The following SLC24A3 variants were observed in gnomAD, a reference collection of about 807,000 sequenced individuals.
SLC24A3 encodes the protein sodium/potassium/calcium exchanger 3.
In SLC24A3, 28 loss-of-function variants were observed where a neutral mutation model predicts 75.8. The ratio of observed to expected loss-of-function variants is 0.37; its 90% CI spans 0.27 to 0.51. SLC24A3 has a LOEUF of 0.51. Ranked by LOEUF, SLC24A3 falls within the 20% of genes least tolerant of loss-of-function variation. SLC24A3 has a pLI of 0.94. For synonymous variants in SLC24A3, 372 were observed against 334.1 expected, an observed-to-expected ratio of 1.11 and a Z score of -1.24; for missense variants, 663 against 847.8, an observed-to-expected ratio of 0.78 and a Z score of 2.71.
intron 3 of SLC24A3, among the ~76,000 whole-genome samples, chr20:19,526,942 T>A (rs1215203359): frequency 1.3e-5 from 2 of 152,218 alleles, no homozygotes; most frequent in Admixed American, 1.3e-4. Flanking sequence ...TATTTTTATT[T>A]CAGTATCCCC....
intron 2 of SLC24A3, among the ~76,000 whole-genome samples, chr20:19,334,364 T>C (rs1985075730): frequency 6.9e-6 from 1 of 145,800 alleles, no homozygotes; most frequent in South Asian, 2.1e-4. Flanking sequence ...CTGAGAAATA[T>C]CAACACAGTA....
intron 2 of SLC24A3, among the ~76,000 whole-genome samples, chr20:19,379,245 G>A (rs1986141081): frequency 6.6e-6 from 1 of 152,118 alleles, no homozygotes; most frequent in Non-Finnish European, 1.5e-5. Context: ...CCCTAAGTCT[G>A]GCACTGTACT....
At chr20:19,287,651 T>G (rs61065806) in intron 2 of SLC24A3, among the ~76,000 whole-genome samples, 4,212 of 152,358 alleles carry the variant, frequency 0.028, 70 homozygotes, top group African/African-American at 0.033. Flanking sequence ...GAAACAATTT[T>G]ATTCTCTTTT....
intron 2 of SLC24A3, among the ~76,000 whole-genome samples, chr20:19,502,980 T>C (rs1988409024): frequency 6.7e-6 from 1 of 148,590 alleles, no homozygotes; most frequent in African/African-American, 2.5e-5. Flanking sequence ...TGAGCCATGA[T>C]AGTGTTACTG....
intron 2 of SLC24A3, among the ~76,000 whole-genome samples, chr20:19,445,546 A>T (rs1987367209): frequency 2.6e-5 from 4 of 152,226 alleles, no homozygotes; most frequent in Admixed American, 2.6e-4. Flanking sequence ...GAAAAAGTAC[A>T]TTATCAAGAA....
chr20:19,648,650 A>G (rs76378579), intron 6 of SLC24A3, among the ~76,000 whole-genome samples: 7,556 of 152,222 alleles, frequency 0.05, 261 homozygotes, highest in Non-Finnish European at 0.07. Flanking sequence ...TTCACAATGC[A>G]TATCTGTACA....
At chr20:19,239,093 C>A (rs1182302289) in intron 1 of SLC24A3, among the ~76,000 whole-genome samples, 6 of 144,552 alleles carry the variant, frequency 4.2e-5, no homozygotes, top group African/African-American at 1.3e-4. Flanking sequence ...GATGCAATCA[C>A]TGGAGCTCTT....
At chr20:19,463,603 T>C (rs770082493) in intron 2 of SLC24A3, among the ~76,000 whole-genome samples, 15 of 152,096 alleles carry the variant, frequency 9.9e-5, no homozygotes, top group Non-Finnish European at 2.1e-4. Flanking sequence ...TCAGTTACAG[T>C]GGGAACTGTG....
At chr20:19,504,938 A>C (rs1391124231) in intron 2 of SLC24A3, among the ~76,000 whole-genome samples, 1 of 152,218 alleles carries the variant, frequency 6.6e-6, no homozygotes, top group Non-Finnish European at 1.5e-5. Flanking sequence ...TACATTATTC[A>C]TGAGATTGCT....
rs568692335 is a variant in SLC24A3, at chr20:19,660,714, A to G, written c.688-5150A>G. Among the ~76,000 whole-genome samples the G allele has an allele frequency of 2.0e-5, 3 of 152,234 alleles. No individual in the cohort carries two copies. The East Asian group carries it at 5.8e-4, about 29-fold the overall frequency. ...TTTCAGTTCTTTAAGACATTCTCAT[A>G]CTGGAAAACTTGAGGTCCTTCAGCT... On this transcript the variant is annotated intron_variant, in intron 7 of 16. Transcript: ENST00000328041.
intron 2 of SLC24A3, among the ~76,000 whole-genome samples, chr20:19,513,687 A>G (rs2029925252): frequency 1.3e-5 from 2 of 151,112 alleles, no homozygotes; most frequent in Non-Finnish European, 2.9e-5. Flanking sequence ...ACCATACAAA[A>G]CTAGAGATTG....
At chr20:19,552,320 T>C (rs1334919339) in intron 3 of SLC24A3, among the ~76,000 whole-genome samples, 1 of 152,162 alleles carries the variant, frequency 6.6e-6, no homozygotes, top group East Asian at 1.9e-4. Flanking sequence ...CCCTCCTGTC[T>C]GCGCAAGCAA....
intron 1 of SLC24A3, among the ~76,000 whole-genome samples, chr20:19,265,199 TG>T (rs1458678473): frequency 1.3e-5 from 2 of 152,226 alleles, no homozygotes; most frequent in East Asian, 1.9e-4. Context: ...CCAGGTATTT[TG>T]GGGGGCTAGG....
At chr20:19,532,923 C>T (rs766835100) in intron 3 of SLC24A3, among the ~76,000 whole-genome samples, 11 of 152,280 alleles carry the variant, frequency 7.2e-5, no homozygotes, top group African/African-American at 1.4e-4. Context: ...GCAACAGAGA[C>T]GCTGATCAAG....
chr20:19,233,746 G>A (rs6136658), intron 1 of SLC24A3, among the ~76,000 whole-genome samples: 13,635 of 152,238 alleles, frequency 0.09, 2,166 homozygotes, highest in East Asian at 0.73. Context: ...AGGGGTAGGA[G>A]ACATGGCTCA....
At chr20:19,405,583 C>A (rs954130862) in intron 2 of SLC24A3, among the ~76,000 whole-genome samples, 1 of 152,158 alleles carries the variant, frequency 6.6e-6, no homozygotes, top group Non-Finnish European at 1.5e-5. Context: ...AAGGGAGAAG[C>A]GTAATTTCAG....
intron 2 of SLC24A3, among the ~76,000 whole-genome samples, chr20:19,381,049 G>T (rs931692826): frequency 3.9e-5 from 6 of 152,198 alleles, no homozygotes; most frequent in Admixed American, 2.6e-4. Context: ...GCTTAACTCA[G>T]TGTCCTGCAT....
intron 2 of SLC24A3, among the ~76,000 whole-genome samples, chr20:19,471,567 C>A (rs1476528186): frequency 6.6e-6 from 1 of 152,068 alleles, no homozygotes; most frequent in East Asian, 1.9e-4. Flanking sequence ...GGTATAAATA[C>A]CCCCATAATG....
intron 1 of SLC24A3, among the ~76,000 whole-genome samples, chr20:19,220,965 A>C (rs187939795): frequency 1.9e-4 from 29 of 152,328 alleles, no homozygotes; most frequent in African/African-American, 7.0e-4. Flanking sequence ...ACTGTACTTA[A>C]ATTTCCTGTC....
Sources: allele counts gnomAD v4.1 joint callset (sites outside exome capture counted in the v4.1 genomes callset), GRCh38; gene constraint gnomAD v4.1.1; transcripts MANE v1.5; gene names NCBI Gene and HGNC (gene_info 2026-07-23, HGNC 2026-07-21).